Variants in LACTB2 observed in about 807,000 individuals in gnomAD.
LACTB2 encodes the protein lactamase beta 2.
Under a neutral mutation model 34.8 loss-of-function variants are expected in LACTB2, and 32 were observed. That is an observed-to-expected ratio of 0.92 (90% CI 0.69 to 1.24). The LOEUF (loss-of-function observed/expected upper bound fraction) is 1.24, where lower values mean the gene tolerates loss of function less well. Among genes scored for constraint, LACTB2 ranks in the 50% most tolerant of loss-of-function variants. LACTB2 has a pLI of 0.00. For missense variants in LACTB2, 320 were observed against 345.0 expected (o/e 0.93, Z 0.57); for synonymous variants, 120 against 117.5 (o/e 1.02, Z -0.14).
intron 4 of LACTB2, 93 bp downstream of exon 4, chr8:70,643,972 A>C: frequency 7.9e-7 from 1 of 1,263,562 alleles, no homozygotes; most frequent in South Asian, 2.2e-5. Flanking sequence ...GGACTGCTTG[A>C]GGTCAGGAGT....
At chr8:70,667,423 T>C (rs1818544566) in intron 1 of LACTB2, among the ~76,000 whole-genome samples, 1 of 152,184 alleles carries the variant, frequency 6.6e-6, no homozygotes, top group South Asian at 2.1e-4. Flanking sequence ...TACAGTAGCA[T>C]TATCTACACT....
rs201653103 is a variant in LACTB2 at position 70,638,624 on chromosome 8, A to C, written c.747T>G (p.Thr249=). 155 of 1,430,710 alleles carry C rather than the reference A, an allele frequency of 1.1e-4. No homozygotes were observed. Among genetic ancestry groups the C allele is most frequent in the Middle Eastern group, 1.0e-3 (5 of 5,000 alleles). 88.6% of individuals were successfully genotyped at this position (1,430,710 alleles called of 1,614,324 possible). A position where few individuals can be genotyped will look rare whatever the true frequency, so the allele number is the denominator to read the frequency against. The stretch of plus-strand genomic sequence containing the variant: ...TAGCCATTTCATGTAAATTCTCAGG[A>C]GTATTCTAAAAGAAAAATGAAGGTG... The part of the protein sequence containing the change: ...MELVKIIYKN[T]PENLHEMAKH... Residue 249 remains threonine (T), a synonymous_variant, in exon 6 of 7, where the codon ACT becomes ACG. Coordinates refer to ENST00000276590, the MANE Select transcript of LACTB2 (RefSeq NM_016027.3).
chr8:70,653,230 C>T (rs1278137142), intron 3 of LACTB2, among the ~76,000 whole-genome samples: 1 of 152,196 alleles, frequency 6.6e-6, no homozygotes, highest in East Asian at 1.9e-4. Flanking sequence ...CTCACCTCAG[C>T]CTCCCAAGTA....
At chr8:70,668,862 ACGGGGCTGCTAGGCG>A (rs979030563) in intron 1 of LACTB2, 122 bp downstream of exon 1, 3 of 1,184,428 alleles carry the variant, frequency 2.5e-6, no homozygotes, top group Non-Finnish European at 3.5e-6. Context: ...TGCAGTCCCG[ACGGGGCTGCTAGGCG>A]CGGGGCTGCC....
rs185346333 is a variant in LACTB2 at position 70,657,603 on chromosome 8, T to C, written c.413+153A>G. Among the ~76,000 whole-genome samples, 84 of 151,368 alleles carry C rather than the reference T, an allele frequency of 5.5e-4. No homozygotes were observed. In the Middle Eastern group the frequency reaches 0.01, roughly 19 times the overall value. ...GTGCCACCATGCTCAGCTAATTAAA[T>C]TTTTTTTTGGTATTGCCCAGGCTGG... On this transcript the variant is annotated intron_variant, in intron 3 of 6. Transcript: ENST00000276590.
At chr8:70,666,646 C>T (rs922487193) in intron 1 of LACTB2, among the ~76,000 whole-genome samples, 5 of 152,146 alleles carry the variant, frequency 3.3e-5, no homozygotes, top group Admixed American at 1.3e-4. Flanking sequence ...CAGAGGTAGT[C>T]GTACAGAAGC....
At chr8:70,659,893 C>T (rs1057202534) in intron 2 of LACTB2, among the ~76,000 whole-genome samples, 2 of 152,094 alleles carry the variant, frequency 1.3e-5, no homozygotes, top group Non-Finnish European at 2.9e-5. Context: ...AGGAAGTGTT[C>T]CATATCTTGA....
At chr8:70,661,383 A>T (rs934165256) in intron 2 of LACTB2, 10 of 285,184 alleles carry the variant, frequency 3.5e-5, no homozygotes, top group Non-Finnish European at 6.1e-5. Context: ...GGACTGAGAT[A>T]ATCTGTTAGA....
intron 3 of LACTB2, 73 bp from the exon 4 acceptor site, chr8:70,644,316 T>C: frequency 9.7e-7 from 1 of 1,033,990 alleles, no homozygotes; most frequent in Admixed American, 2.7e-5. Flanking sequence ...AGAAGTAAAT[T>C]ATTCTGTATC....
At chr8:70,667,612 T>C (rs1269992129) in intron 1 of LACTB2, among the ~76,000 whole-genome samples, 1 of 152,230 alleles carries the variant, frequency 6.6e-6, no homozygotes, top group Non-Finnish European at 1.5e-5. Flanking sequence ...AAGTCTCTCT[T>C]AGCACTAGCA....
rs749946042 is a variant in LACTB2, at chr8:70,661,757, T to C, written c.263A>G (p.Asp88Gly). The C allele has an allele frequency of 3.1e-6, 5 of 1,609,686 alleles. No individual in the cohort carries two copies. Among genetic ancestry groups the C allele is most frequent in the South Asian group, 1.1e-5 (1 of 89,686 alleles). The change falls in exon 2 of 7, where the codon GAT becomes GGT. Residue 88 changes from aspartate to glycine, a missense_variant. Asp to Gly is a moderately conservative substitution (Grantham distance 94, BLOSUM62 -1). Transcript: ENST00000276590. Reference protein sequence around the residue: ...WHRDHSGGIGDICKSINNDTT... With the variant: ...WHRDHSGGIGGICKSINNDTT... ...ACCATTATTGATGCTTTTACAAATATCTCCTATGCCTCCAGAATGATCTCG... is the reference window on the plus strand; with the variant it reads ...ACCATTATTGATGCTTTTACAAATACCTCCTATGCCTCCAGAATGATCTCG...
chr8:70,638,481 G>GA (rs1292557910), intron 6 of LACTB2, 67 bp downstream of exon 6: 8 of 1,448,028 alleles, frequency 5.5e-6, no homozygotes, highest in Non-Finnish European at 7.4e-6. Flanking sequence ...TTCCTCAAAG[G>GA]AAACTAAGGC....
chr8:70,666,870 G>A (rs1267210618), intron 1 of LACTB2, among the ~76,000 whole-genome samples: 1 of 152,190 alleles, frequency 6.6e-6, no homozygotes, highest in African/African-American at 2.4e-5. Context: ...GAAAGGTTAT[G>A]AGTTCAGTAT....
At chr8:70,661,638 G>A in intron 2 of LACTB2, 96 bp downstream of exon 2, 1 of 1,045,432 alleles carries the variant, frequency 9.6e-7, no homozygotes, top group Non-Finnish European at 1.4e-6. Flanking sequence ...GAGGTATTTA[G>A]TAAATGGTTT....
intron 1 of LACTB2, among the ~76,000 whole-genome samples, chr8:70,667,453 C>T (rs1016050057): frequency 7.2e-5 from 11 of 152,310 alleles, no homozygotes; most frequent in East Asian, 1.9e-4. Flanking sequence ...CTCAACTATA[C>T]GGACTCTCTA....
rs780811520 is a variant in LACTB2 at position 70,657,743 on chromosome 8, G to A, written c.413+13C>T. On this transcript the variant is annotated intron_variant, in intron 3 of 6. Transcript: ENST00000276590. ...GACTCTTCACCTTCCCTGGCTAAGG[G>A]ACATTTACTTACCTTAGAGTGGCTC... 6.2e-7 allele frequency: 1 copy of A among 1,604,748 alleles called. No individual in the cohort carries two copies. The highest frequency in any genetic ancestry group is 2.2e-5 in the East Asian group (1 of 44,460).
At chr8:70,645,491 C>T (rs1381289126) in intron 3 of LACTB2, among the ~76,000 whole-genome samples, 7 of 151,334 alleles carry the variant, frequency 4.6e-5, no homozygotes, top group Non-Finnish European at 1.0e-4. Context: ...CAGAAAAAGA[C>T]TCTTTTTTTT....
chr8:70,663,494 G>A (rs1818504021), intron 1 of LACTB2, among the ~76,000 whole-genome samples: 1 of 152,200 alleles, frequency 6.6e-6, no homozygotes, highest in Non-Finnish European at 1.5e-5. Flanking sequence ...CAGGAGACCA[G>A]ATGGTTACAC....
At chr8:70,641,883 A>T (rs565437871) in intron 4 of LACTB2, among the ~76,000 whole-genome samples, 15 of 152,314 alleles carry the variant, frequency 9.8e-5, no homozygotes, top group African/African-American at 3.6e-4. Context: ...ACACAGACCT[A>T]TCATTTATTT....
Sources: allele counts gnomAD v4.1 joint callset (sites outside exome capture counted in the v4.1 genomes callset), GRCh38; gene constraint gnomAD v4.1.1; transcripts MANE v1.5; gene names NCBI Gene and HGNC (gene_info 2026-07-23, HGNC 2026-07-21).